NUTM2E: variants seen among roughly 807,000 people sequenced by gnomAD.
NUTM2E encodes NUT family member 2E, also known as family with sequence similarity 22, member E.
NUTM2E carries 3 observed loss-of-function variants against 26.1 expected under a neutral mutation model. The observed-to-expected ratio is 0.12, with a 90% CI of 0.05 to 0.30. NUTM2E has a LOEUF of 0.30. NUTM2E is among the 10% of genes least tolerant of loss of function. NUTM2E has a pLI of 1.00. For missense variants in NUTM2E, 62 were observed against 381.3 expected, an observed-to-expected ratio of 0.16 and a Z score of 6.97; for synonymous variants, 13 against 157.5, an observed-to-expected ratio of 0.08 and a Z score of 6.87.
At chr10:79,833,446 A>T (rs1841939355) in intron 1 of NUTM2E, among the ~76,000 whole-genome samples, 1 of 150,552 alleles carries the variant, frequency 6.6e-6, no homozygotes, top group African/African-American at 2.4e-5. Context: ...CGGGAAAAAA[A>T]TTTTGCAATC....
At position 79,827,797 on chromosome 10, in the gene NUTM2E, T is replaced by TTTTTTTTTTG. The variant is rs1841896866; in HGVS notation, c.-2728+449_-2728+450insGTTTTTTTTT. Among the ~76,000 whole-genome samples, 3 of 2,292 alleles carry TTTTTTTTTTG rather than the reference T, an allele frequency of 1.3e-3. No individual in the cohort carries two copies. The South Asian group carries it at 0.022, about 17-fold the overall frequency. The allele number at this position is 2,292 out of a possible 152,430, so 1.5% of individuals were successfully genotyped here. On this transcript the variant is annotated intron_variant, in intron 1 of 9. Transcript: ENST00000429984. ...AATTATTTAGTGGTTTTTTTTTTGTTTTTTTTTTTTTGTTTTTTTTTGTGA... is the reference window on the plus strand; with the variant it reads ...AATTATTTAGTGGTTTTTTTTTTGTTTTTTTTTTTGTTTTTTTTTTTGTTTTTTTTTGTGA...
intron 1 of NUTM2E, among the ~76,000 whole-genome samples, chr10:79,837,000 A>G (rs1841968047): frequency 1.3e-5 from 2 of 149,584 alleles, no homozygotes; most frequent in Non-Finnish European, 3.0e-5. Context: ...GAAGGAAGAG[A>G]AAAAAAAATT....
At chr10:79,835,935 A>C (rs1427577787) in intron 1 of NUTM2E, among the ~76,000 whole-genome samples, 3 of 149,306 alleles carry the variant, frequency 2.0e-5, no homozygotes, top group Non-Finnish European at 4.5e-5. Flanking sequence ...TTTCTCCCCT[A>C]GTGTGTAAAA....
At chr10:79,838,650 C>T (rs1311469659) in intron 2 of NUTM2E, among the ~76,000 whole-genome samples, 64 bp downstream of exon 2, 8 of 151,188 alleles carry the variant, frequency 5.3e-5, no homozygotes, top group Admixed American at 2.0e-4. Flanking sequence ...AAGCTATGAA[C>T]GCTTCCGCCT....
chr10:79,836,624 G>C (rs1448033285), intron 1 of NUTM2E, among the ~76,000 whole-genome samples: 2 of 151,846 alleles, frequency 1.3e-5, no homozygotes, highest in East Asian at 3.9e-4. Flanking sequence ...AATTACATGT[G>C]AATTTGACTT....
At chr10:79,835,563 T>A (rs1171544981) in intron 1 of NUTM2E, among the ~76,000 whole-genome samples, 5 of 103,038 alleles carry the variant, frequency 4.9e-5, no homozygotes, top group African/African-American at 1.7e-4. Flanking sequence ...GTGTCTATAT[T>A]GTTTACATGT....
chr10:79,832,432 G>A (rs2096214757), intron 1 of NUTM2E, among the ~76,000 whole-genome samples: 6 of 151,714 alleles, frequency 4.0e-5, no homozygotes, highest in Admixed American at 4.0e-4. Context: ...TACGATAGGA[G>A]CTGGTTGTCA....
At chr10:79,833,139 TCTA>T (rs1228562937) in intron 1 of NUTM2E, among the ~76,000 whole-genome samples, 1 of 151,864 alleles carries the variant, frequency 6.6e-6, no homozygotes, top group Admixed American at 6.6e-5. Context: ...TGCAGAGAAT[TCTA>T]TTTAGAGTAA....
Position 79,826,898 on chromosome 10 carries a change from C to T in NUTM2E, c.-3187C>T, listed in dbSNP as rs1199948485. 1 of 151,280 alleles carries T rather than the reference C, an allele frequency of 6.6e-6. No individual in the cohort carries two copies. Among genetic ancestry groups the T allele is most frequent in the Non-Finnish European group, 1.5e-5 (1 of 67,760 alleles). The allele number at this position is 151,280 out of a possible 1,614,324, so 9.4% of individuals were successfully genotyped here. A position where few individuals can be genotyped will look rare whatever the true frequency, so the allele number is the denominator to read the frequency against. ...GCCCGCGGCATCGTCCGCGACGCAG[C>T]TCGGGATCCGGGTCGGGGTGTCGGC... On this transcript the variant is annotated 5_prime_UTR_variant, in exon 1 of 10. Transcript: ENST00000429984.
rs1043435106 is a variant in NUTM2E at position 79,830,671 on chromosome 10, ATAT to A, written c.-2728+3322_-2728+3324del. 5.8e-5 allele frequency among the ~76,000 whole-genome samples: 8 copies of A among 138,458 alleles called. No individual in the cohort carries two copies. The East Asian group carries it at 6.0e-4, about 10-fold the overall frequency. 90.8% of individuals were successfully genotyped at this position (138,458 alleles called of 152,430 possible). Reference sequence around the variant, plus strand: ...GACAATATATTTGTTTGAATAAAAAATATTATTATTTTAAAATAATCAAATTAG... The same window carrying A: ...GACAATATATTTGTTTGAATAAAAAATATTATTTTAAAATAATCAAATTAG... On this transcript the variant is annotated intron_variant, in intron 1 of 9. Transcript: ENST00000429984.
intron 8 of NUTM2E, 113 bp downstream of exon 8, chr10:79,849,008 T>A (rs1842037276): frequency 1.2e-6 from 1 of 845,846 alleles, no homozygotes; most frequent in Non-Finnish European, 1.8e-6. Flanking sequence ...TTTCCATGGA[T>A]TTGAGTGTCT....
At chr10:79,837,930 G>C (rs1841974019) in intron 1 of NUTM2E, among the ~76,000 whole-genome samples, 1 of 151,662 alleles carries the variant, frequency 6.6e-6, no homozygotes. Flanking sequence ...GTGTAGGATA[G>C]TTCTGGGGAT....
chr10:79,830,771 T>G (rs1210063165), intron 1 of NUTM2E, among the ~76,000 whole-genome samples: 1 of 151,842 alleles, frequency 6.6e-6, no homozygotes, highest in Non-Finnish European at 1.5e-5. Flanking sequence ...TCAGGACATT[T>G]ACTCATATTC....
At position 79,834,208 on chromosome 10, in the gene NUTM2E, C is replaced by T. The variant is rs1003383332; in HGVS notation, c.-2727-4101C>T. On this transcript the variant is annotated intron_variant, in intron 1 of 9. Transcript: ENST00000429984. Reference sequence around the variant, plus strand: ...AAACATCACACACTGGGGCCTGTCGCGGGGTGGGGGGCAAGGGGAGGGATA... The same window carrying T: ...AAACATCACACACTGGGGCCTGTCGTGGGGTGGGGGGCAAGGGGAGGGATA... 4.0e-5 allele frequency among the ~76,000 whole-genome samples: 6 copies of T among 148,166 alleles called. 1 individual carries two copies. In the East Asian group the frequency reaches 1.0e-3, roughly 25 times the overall value.
intron 1 of NUTM2E, among the ~76,000 whole-genome samples, chr10:79,831,705 G>A (rs1330754561): frequency 2.6e-5 from 4 of 151,806 alleles, no homozygotes; most frequent in Non-Finnish European, 5.9e-5. Flanking sequence ...TGGGGATACA[G>A]TATTGTTATC....
rs1340678527 is a variant in NUTM2E, at chr10:79,839,642, G to C, written c.-2099G>C. On this transcript the variant is annotated 5_prime_UTR_variant, in exon 4 of 10. Coordinates refer to ENST00000429984, the MANE Select transcript of NUTM2E (RefSeq NM_001355263.2). ...CTCATTTGCAGGATTCCTATCATCT[G>C]TCTCCACGTGATAACACTGAAGAGC... is the stretch of plus-strand genomic sequence containing the variant. Among the ~76,000 whole-genome samples, 1 of 151,840 alleles carries C rather than the reference G, an allele frequency of 6.6e-6. No individual in the cohort carries two copies. Among genetic ancestry groups the C allele is most frequent in the Non-Finnish European group, 1.5e-5 (1 of 67,980 alleles).
chr10:79,837,723 A>G (rs1179602499), intron 1 of NUTM2E, among the ~76,000 whole-genome samples: 4 of 151,888 alleles, frequency 2.6e-5, no homozygotes, highest in Non-Finnish European at 5.9e-5. Flanking sequence ...CAGTGTGTGT[A>G]TGTGTGTGTG....
rs765231106 is a variant in NUTM2E at position 79,848,600 on chromosome 10, G to A, written c.1439G>A (p.Arg480Gln). 1.8e-5 allele frequency: 11 copies of A among 596,796 alleles called. 3 individuals are homozygous for A. The Admixed American group carries it at 2.5e-4, about 14-fold the overall frequency. 37.0% of individuals were successfully genotyped at this position (596,796 alleles called of 1,614,324 possible). A position where few individuals can be genotyped will look rare whatever the true frequency, so the allele number is the denominator to read the frequency against. Residue 480 changes from arginine (R) to glutamine (Q), a missense_variant, in exon 8 of 10, where the codon CGG (arginine) becomes CAG (glutamine). By Grantham distance (43) the Arg-to-Gln change is conservative (BLOSUM62 1). Coordinates refer to ENST00000429984, the MANE Select transcript of NUTM2E (RefSeq NM_001355263.2). ...RPQRPVTKARRPPPQPHRRAE... is the reference protein window; with the variant it reads ...RPQRPVTKARQPPPQPHRRAE... ...CAGAGGCCAGTGACCAAGGCCCGCC[G>A]GCCACCACCCCAGCCCCACCGGCGA...
intron 1 of NUTM2E, among the ~76,000 whole-genome samples, chr10:79,833,652 C>T (rs1841942567): frequency 6.6e-6 from 1 of 151,534 alleles, no homozygotes; most frequent in African/African-American, 2.4e-5. Context: ...AAATCAAAAC[C>T]ACAATGAGAT....
Sources: gnomAD v4.1 joint callset for allele counts (sites outside exome capture counted in the v4.1 genomes callset) on GRCh38, gnomAD v4.1.1 for gene constraint, MANE v1.5 for transcripts, NCBI Gene and HGNC (gene_info 2026-07-23, HGNC 2026-07-21) for gene names.